CADPS2: variants seen among roughly 807,000 people sequenced by gnomAD.
CADPS2 encodes calcium dependent secretion activator 2.
Under a neutral mutation model 172.5 loss-of-function variants are expected in CADPS2, and 93 were observed. That is an observed-to-expected ratio of 0.54 (90% CI 0.46 to 0.64). The LOEUF is 0.64. Among genes scored for constraint, CADPS2 ranks in the 30% least tolerant of loss-of-function variants. CADPS2 has a pLI of 0.00. For missense variants in CADPS2, 1,420 were observed against 1,565.9 expected (o/e 0.91, Z 1.57); for synonymous variants, 546 against 555.2 (o/e 0.98, Z 0.23).
intron 7 of CADPS2, among the ~76,000 whole-genome samples, chr7:122,563,252 T>C (rs1204187669): frequency 6.6e-6 from 1 of 152,204 alleles, no homozygotes. Flanking sequence ...CAGCCATAAA[T>C]TATGAATAGC....
chr7:122,646,167 C>A (rs537906384), intron 3 of CADPS2, among the ~76,000 whole-genome samples: 294 of 152,126 alleles, frequency 1.9e-3, no homozygotes, highest in Non-Finnish European at 3.2e-3. Context: ...TTTTTATAAA[C>A]ATTATCTCAT....
intron 20 of CADPS2, among the ~76,000 whole-genome samples, chr7:122,397,568 T>C (rs1386932045): frequency 6.6e-6 from 1 of 152,162 alleles, no homozygotes; most frequent in Admixed American, 6.5e-5. Flanking sequence ...AAATACACCC[T>C]ACACTACACT....
chr7:122,496,760 T>C (rs974277514), intron 9 of CADPS2, among the ~76,000 whole-genome samples: 24 of 152,174 alleles, frequency 1.6e-4, no homozygotes, highest in Non-Finnish European at 3.2e-4. Flanking sequence ...ACATGACTAG[T>C]TTTTTAATCA....
intron 24 of CADPS2, chr7:122,386,431 T>C (rs1284679340): frequency 5.6e-6 from 3 of 536,452 alleles, no homozygotes; most frequent in Non-Finnish European, 6.4e-6. Context: ...TTAAAACAGA[T>C]AATTGAAGAA....
intron 8 of CADPS2, among the ~76,000 whole-genome samples, chr7:122,545,300 G>T (rs1244728956): frequency 1.3e-5 from 2 of 152,130 alleles, no homozygotes; most frequent in Admixed American, 1.3e-4. Context: ...AAAATAAACT[G>T]CCTCTCTTGG....
At chr7:122,736,903 A>C (rs932851813) in intron 2 of CADPS2, 52 bp downstream of exon 2, 34 of 926,746 alleles carry the variant, frequency 3.7e-5, no homozygotes, top group African/African-American at 8.3e-5. Flanking sequence ...AAAATAATAA[A>C]ACTCCTTTTA....
At chr7:122,798,692 TGAAACTCTAGA>T (rs1057304639) in intron 1 of CADPS2, among the ~76,000 whole-genome samples, 22 of 152,202 alleles carry the variant, frequency 1.4e-4, no homozygotes, top group African/African-American at 4.8e-4. Flanking sequence ...TTAATTATAT[TGAAACTCTAGA>T]GAAACTTCTG....
intron 6 of CADPS2, among the ~76,000 whole-genome samples, chr7:122,610,001 T>C (rs1319034681): frequency 3.3e-5 from 5 of 152,178 alleles, no homozygotes; most frequent in Non-Finnish European, 1.5e-5. Flanking sequence ...AGATACCTTT[T>C]TAAGGTAATC....
At chr7:122,447,525 G>T (rs1402978575) in intron 15 of CADPS2, among the ~76,000 whole-genome samples, 2 of 109,410 alleles carry the variant, frequency 1.8e-5, no homozygotes, top group African/African-American at 6.2e-5. Context: ...CTCCCATGTT[G>T]ATTTCTTGTT....
At chr7:122,576,679 C>A (rs1172714111) in intron 7 of CADPS2, among the ~76,000 whole-genome samples, 1 of 152,078 alleles carries the variant, frequency 6.6e-6, no homozygotes, top group Non-Finnish European at 1.5e-5. Flanking sequence ...ATAATTTCCA[C>A]AAGTCAAGGG....
chr7:122,684,313 GT>G (rs1430619933), intron 2 of CADPS2, among the ~76,000 whole-genome samples: 3 of 152,052 alleles, frequency 2.0e-5, no homozygotes, highest in African/African-American at 7.2e-5. Context: ...AGAGAGCATA[GT>G]TTTTTAGAAA....
chr7:122,619,459 CAAA>C (rs113157386), intron 5 of CADPS2, among the ~76,000 whole-genome samples: 1 of 95,352 alleles, frequency 1.0e-5, no homozygotes. Flanking sequence ...CTAAAAAATA[CAAA>C]AAAAAAAAAA....
At chr7:122,869,410 A>T (rs1411879903) in intron 1 of CADPS2, among the ~76,000 whole-genome samples, 1 of 152,124 alleles carries the variant, frequency 6.6e-6, no homozygotes, top group Non-Finnish European at 1.5e-5. Flanking sequence ...GAAGACCAGA[A>T]GTAAATGGGA....
chr7:122,497,894 A>G (rs1677255618), intron 9 of CADPS2, among the ~76,000 whole-genome samples: 2 of 152,200 alleles, frequency 1.3e-5, no homozygotes, highest in Non-Finnish European at 2.9e-5. Flanking sequence ...AAGATATTCC[A>G]TTGTCAGAAG....
At chr7:122,394,918 A>G (rs193044592) in intron 20 of CADPS2, among the ~76,000 whole-genome samples, 1 of 152,322 alleles carries the variant, frequency 6.6e-6, no homozygotes, top group Non-Finnish European at 1.5e-5. Flanking sequence ...GACTAGGTAA[A>G]GGATGATAAT....
chr7:122,814,124 G>T (rs1316296835), intron 1 of CADPS2, among the ~76,000 whole-genome samples: 7 of 151,524 alleles, frequency 4.6e-5, no homozygotes, highest in Non-Finnish European at 5.9e-5. Context: ...TGACTTCAAA[G>T]TTCTTAACTA....
At chr7:122,740,392 C>T (rs2092399378) in intron 1 of CADPS2, among the ~76,000 whole-genome samples, 1 of 152,042 alleles carries the variant, frequency 6.6e-6, no homozygotes, top group Admixed American at 6.6e-5. Flanking sequence ...GCTATCAAGC[C>T]ATGGAAAGAC....
intron 1 of CADPS2, among the ~76,000 whole-genome samples, chr7:122,742,197 C>T (rs963263789): frequency 6.6e-6 from 1 of 151,790 alleles, no homozygotes; most frequent in Non-Finnish European, 1.5e-5. Flanking sequence ...TCGAGACCAG[C>T]GTGGCCAACG....
chr7:122,621,703 G>A lies in CADPS2; in HGVS notation c.882C>T (p.Pro294=). The A allele has an allele frequency of 6.3e-7, 1 of 1,579,186 alleles. No individual in the cohort carries two copies. The highest frequency in any genetic ancestry group is 8.6e-7 in the Non-Finnish European group (1 of 1,164,638). The change falls in exon 5 of 30, where the codon CCC becomes CCT. Residue 294 remains proline (P), a synonymous_variant. Transcript: ENST00000449022. ...ADKMAKERKF[P]KFIAKDMENM... is the part of the protein sequence containing the mutation. ...TCTCCATATCTTTTGCTATAAATTT[G>A]GGGAATTTTCTTTCCTTGAAAATAA...
Sources: gnomAD v4.1 joint callset for allele counts (sites outside exome capture counted in the v4.1 genomes callset) on GRCh38, gnomAD v4.1.1 for gene constraint, MANE v1.5 for transcripts, NCBI Gene and HGNC (gene_info 2026-07-23, HGNC 2026-07-21) for gene names.